The following SULF1 variants were observed in gnomAD, a reference collection of about 807,000 sequenced individuals.
SULF1 encodes sulfatase 1, also known as extracellular sulfatase Sulf-1.
Under a neutral mutation model 110.5 loss-of-function variants are expected in SULF1, and 46 were observed. The observed-to-expected ratio is 0.42, with a 90% CI of 0.33 to 0.53. SULF1 has a LOEUF of 0.53. SULF1 is among the 20% of genes least tolerant of loss of function. The probability of loss-of-function intolerance (pLI) is 0.12; values close to 1 mark genes in which losing one functional copy is unlikely to be tolerated. For missense variants in SULF1, 941 were observed against 1,094.2 expected (o/e 0.86, Z 1.98); for synonymous variants, 371 against 387.1 (o/e 0.96, Z 0.49).
intron 22 of SULF1, among the ~76,000 whole-genome samples, chr8:69,656,197 C>T (rs1004472733): frequency 3.9e-5 from 6 of 152,230 alleles, no homozygotes; most frequent in African/African-American, 1.4e-4. Context: ...ATTTAATTCA[C>T]ACAGCACTGG....
rs150832092 is a variant in SULF1 at position 69,544,599 on chromosome 8, A to G, written c.-133-18940A>G. ...TCACTTTTTAAAATTCCTTTAAAGCATAGAAACCTTGTTTCTTTAAAAAAT... is the reference window on the plus strand; with the variant it reads ...TCACTTTTTAAAATTCCTTTAAAGCGTAGAAACCTTGTTTCTTTAAAAAAT... On this transcript the variant is annotated intron_variant, in intron 3 of 22. Coordinates refer to ENST00000402687, the MANE Select transcript of SULF1 (RefSeq NM_001128205.2). Among the ~76,000 whole-genome samples, 924 of 152,350 alleles carry G rather than the reference A, an allele frequency of 6.1e-3. 8 individuals are homozygous for G. Among genetic ancestry groups the G allele is most frequent in the African/African-American group, 0.021 (859 of 41,582 alleles).
At chr8:69,582,630 C>A (rs1806153783) in intron 6 of SULF1, among the ~76,000 whole-genome samples, 1 of 150,862 alleles carries the variant, frequency 6.6e-6, no homozygotes. Flanking sequence ...AGAATTTGAA[C>A]CCAAGCAGGC....
intron 2 of SULF1, among the ~76,000 whole-genome samples, chr8:69,498,413 A>G (rs1333695263): frequency 2.0e-5 from 3 of 152,156 alleles, no homozygotes; most frequent in Non-Finnish European, 4.4e-5. Flanking sequence ...GGTGACTCAG[A>G]TCCTGACTGT....
At chr8:69,475,955 A>G (rs1715679635) in intron 1 of SULF1, among the ~76,000 whole-genome samples, 1 of 152,206 alleles carries the variant, frequency 6.6e-6, no homozygotes, top group Non-Finnish European at 1.5e-5. Flanking sequence ...TAGCATTTCT[A>G]TAACTTTGGG....
chr8:69,519,431 G>GT (rs148943589), intron 3 of SULF1, among the ~76,000 whole-genome samples: 1,966 of 152,132 alleles, frequency 0.013, 58 homozygotes, highest in African/African-American at 0.043. Context: ...AACATGTGGG[G>GT]TTTTTTTAAG....
At chr8:69,587,508 T>G (rs1166799226) in intron 7 of SULF1, among the ~76,000 whole-genome samples, 1 of 152,236 alleles carries the variant, frequency 6.6e-6, no homozygotes, top group Admixed American at 6.5e-5. Flanking sequence ...TAAACATTGC[T>G]AATAGGCTTC....
intron 5 of SULF1, among the ~76,000 whole-genome samples, chr8:69,570,701 A>G (rs552776527): frequency 3.2e-4 from 49 of 152,342 alleles, no homozygotes; most frequent in African/African-American, 1.1e-3. Context: ...TAACTGTGCC[A>G]AAATTGCCAA....
Position 69,627,704 on chromosome 8 carries a change from A to G in SULF1, c.1948-68A>G, listed in dbSNP as rs77463217. The G allele has an allele frequency of 1.5e-3, 1,588 of 1,065,908 alleles. 28 individuals carry two copies. In the East Asian group the frequency reaches 0.023, roughly 15 times the overall value. 66.0% of individuals were successfully genotyped at this position (1,065,908 alleles called of 1,614,324 possible). A position where few individuals can be genotyped will look rare whatever the true frequency, so the allele number is the denominator to read the frequency against. ...ATTACAGAACAGAGAAAACAAGGTGAAAAGAAAAGTACTTTGTAAAGAAAA... is the reference window on the plus strand; with the variant it reads ...ATTACAGAACAGAGAAAACAAGGTGGAAAGAAAAGTACTTTGTAAAGAAAA... On this transcript the variant is annotated intron_variant, in intron 16 of 22. Transcript: ENST00000402687.
At chr8:69,549,640 T>C (rs1814547693) in intron 3 of SULF1, among the ~76,000 whole-genome samples, 1 of 152,108 alleles carries the variant, frequency 6.6e-6, no homozygotes, top group Non-Finnish European at 1.5e-5. Flanking sequence ...ATGATGTCAC[T>C]CATTAAGGTG....
chr8:69,573,525 G>C (rs1409333311), intron 5 of SULF1, among the ~76,000 whole-genome samples: 1 of 152,122 alleles, frequency 6.6e-6, no homozygotes, highest in Non-Finnish European at 1.5e-5. Context: ...TTCTGCTAAG[G>C]CTCATAAAGG....
chr8:69,554,182 A>G (rs965528680), intron 3 of SULF1, among the ~76,000 whole-genome samples: 2 of 152,232 alleles, frequency 1.3e-5, no homozygotes, highest in African/African-American at 2.4e-5. Flanking sequence ...AAAGTTTAAA[A>G]CAAAGTAGAG....
At chr8:69,608,697 A>G (rs1808415058) in intron 13 of SULF1, among the ~76,000 whole-genome samples, 1 of 152,248 alleles carries the variant, frequency 6.6e-6, no homozygotes, top group East Asian at 1.9e-4. Context: ...AAATAAATAA[A>G]TAAATATAAA....
At chr8:69,488,586 C>T (rs1001415180), upstream of SULF1, among the ~76,000 whole-genome samples, 3 of 151,868 alleles carry the variant, frequency 2.0e-5, no homozygotes, top group Admixed American at 6.6e-5. Context: ...GGCACTAGTT[C>T]TCGGTGAAAA....
chr8:69,618,466 T>C (rs972362195), intron 13 of SULF1, among the ~76,000 whole-genome samples: 3 of 152,222 alleles, frequency 2.0e-5, no homozygotes, highest in Admixed American at 6.5e-5. Flanking sequence ...TACAAGAGTA[T>C]GTATGTAGGC....
chr8:69,585,252 A>T (rs1464573669), intron 6 of SULF1, among the ~76,000 whole-genome samples: 2 of 152,144 alleles, frequency 1.3e-5, no homozygotes, highest in African/African-American at 4.8e-5. Flanking sequence ...TTCTACTTGA[A>T]GGGAAAGCTA....
chr8:69,606,040 A>G (rs1376360467), intron 13 of SULF1, among the ~76,000 whole-genome samples: 13 of 152,156 alleles, frequency 8.5e-5, no homozygotes, highest in Admixed American at 8.5e-4. Flanking sequence ...ATTCACCAAC[A>G]CCAGTTCAAG....
chr8:69,482,858 A>G (rs1406039230), intron 1 of SULF1, among the ~76,000 whole-genome samples: 1 of 152,230 alleles, frequency 6.6e-6, no homozygotes, highest in East Asian at 1.9e-4. Flanking sequence ...CTGTAAACTG[A>G]AAGTAATTTC....
At chr8:69,589,530 T>A (rs2130290368) in intron 8 of SULF1, among the ~76,000 whole-genome samples, 1 of 152,322 alleles carries the variant, frequency 6.6e-6, no homozygotes, top group South Asian at 2.1e-4. Context: ...TCTGGTCTGG[T>A]TATAGAAACA....
At chr8:69,474,210 C>A (rs1035556252) in intron 1 of SULF1, among the ~76,000 whole-genome samples, 2 of 152,094 alleles carry the variant, frequency 1.3e-5, no homozygotes, top group African/African-American at 4.8e-5. Context: ...ATTAGCTATA[C>A]CAGAATTATG....
Sources: allele counts gnomAD v4.1 joint callset (sites outside exome capture counted in the v4.1 genomes callset), GRCh38; gene constraint gnomAD v4.1.1; transcripts MANE v1.5; gene names NCBI Gene and HGNC (gene_info 2026-07-23, HGNC 2026-07-21).